The following GLRA2 variants were observed in gnomAD, a reference collection of about 807,000 sequenced individuals.
GLRA2 encodes the protein glycine receptor alpha 2.
In GLRA2, 11 loss-of-function variants were observed where a neutral mutation model predicts 31.6. That is an observed-to-expected ratio of 0.35 (90% confidence interval 0.22 to 0.58). The LOEUF is 0.58. GLRA2 is among the 20% of genes least tolerant of loss of function. The pLI is 0.84. For missense variants in GLRA2, 212 were observed against 351.8 expected (o/e 0.60, Z 3.18); for synonymous variants, 132 against 134.0 (o/e 0.99, Z 0.10).
At chrX:14,668,378 C>A (rs977890743) in intron 7 of GLRA2, among the ~76,000 whole-genome samples, 1 of 112,135 alleles carries the variant, frequency 8.9e-6, no homozygotes, top group African/African-American at 3.2e-5. Flanking sequence ...AGCAGATTAT[C>A]CAAGCACATG....
At chrX:14,575,887 C>T (rs1006094147) in intron 3 of GLRA2, among the ~76,000 whole-genome samples, 1 of 111,328 alleles carries the variant, frequency 9.0e-6, no homozygotes, top group African/African-American at 3.3e-5. Context: ...GAGATATTTT[C>T]TTGGTCCCCA....
At chrX:14,455,365 A>G in the GLRA2 span, among the ~76,000 whole-genome samples, 1 of 111,805 alleles carries the variant, frequency 8.9e-6, no homozygotes, top group African/African-American at 3.2e-5. Context: ...GGAAAATCAC[A>G]TAGGACAATG....
chrX:14,575,270 G>A (rs1306641061), intron 3 of GLRA2, among the ~76,000 whole-genome samples: 4 of 106,982 alleles, frequency 3.7e-5, no homozygotes, highest in African/African-American at 1.4e-4. Flanking sequence ...GCACGATCTC[G>A]GCTTACTGCA....
intron 2 of GLRA2, among the ~76,000 whole-genome samples, chrX:14,536,731 C>A: frequency 9.0e-6 from 1 of 110,942 alleles, no homozygotes; most frequent in East Asian, 2.8e-4. Context: ...AATCAAGAGG[C>A]CTGAGGTAAA....
intron 8 of GLRA2, among the ~76,000 whole-genome samples, chrX:14,702,829 G>A (rs2091564080): frequency 9.0e-6 from 1 of 111,459 alleles, no homozygotes; most frequent in Admixed American, 9.5e-5. Context: ...GGACAGGGTT[G>A]CGTGAAAAGG....
chrX:14,583,327 A>T (rs1479645393), intron 4 of GLRA2, among the ~76,000 whole-genome samples: 2 of 112,775 alleles, frequency 1.8e-5, no homozygotes, highest in African/African-American at 6.4e-5. Flanking sequence ...TACCCAAAGG[A>T]ATATAAATCA....
At chrX:14,567,511 C>T (rs1252204187) in intron 2 of GLRA2, among the ~76,000 whole-genome samples, 1 of 111,758 alleles carries the variant, frequency 8.9e-6, no homozygotes, top group East Asian at 2.8e-4. Context: ...AACTATAGGC[C>T]ATCTACAACA....
intron 7 of GLRA2, among the ~76,000 whole-genome samples, chrX:14,658,551 C>T (rs2090961827): frequency 9.0e-6 from 1 of 111,555 alleles, no homozygotes; most frequent in Non-Finnish European, 1.9e-5. Flanking sequence ...AAACTCATTC[C>T]AGGTTTGATT....
upstream of GLRA2, among the ~76,000 whole-genome samples, chrX:14,527,630 G>A (rs1157487491): frequency 9.2e-6 from 1 of 108,834 alleles, no homozygotes; most frequent in Non-Finnish European, 1.9e-5. Flanking sequence ...AAAAAAAAAA[G>A]AGAAATGATT....
chrX:14,608,854 G>A (rs772829613), intron 6 of GLRA2, 137 bp from the exon 7 acceptor site: 73 of 440,008 alleles, frequency 1.7e-4, no homozygotes, highest in Middle Eastern at 1.3e-3. Flanking sequence ...AATTGGTTAC[G>A]TAGGGTGAAC....
At chrX:14,638,370 C>T (rs1407320972) in intron 7 of GLRA2, among the ~76,000 whole-genome samples, 2 of 111,514 alleles carry the variant, frequency 1.8e-5, no homozygotes, top group Admixed American at 1.9e-4. Flanking sequence ...TAACAGCTTT[C>T]ATGATCTTCT....
At chrX:14,493,635 A>ATG in the GLRA2 span, among the ~76,000 whole-genome samples, 2 of 102,128 alleles carry the variant, frequency 2.0e-5, no homozygotes, top group African/African-American at 7.1e-5. Context: ...ATATATACAT[A>ATG]TATACATATA....
chrX:14,678,748 C>T (rs1473251393), intron 7 of GLRA2, among the ~76,000 whole-genome samples: 1 of 111,575 alleles, frequency 9.0e-6, no homozygotes, highest in East Asian at 2.8e-4. Context: ...ACCTTCATAT[C>T]CTCAATGAAT....
At chrX:14,610,530 C>A (rs1905011063) in intron 7 of GLRA2, among the ~76,000 whole-genome samples, 1 of 111,855 alleles carries the variant, frequency 8.9e-6, no homozygotes, top group African/African-American at 3.2e-5. Context: ...GCTTTTTTAA[C>A]CTGTATAATC....
intron 4 of GLRA2, among the ~76,000 whole-genome samples, chrX:14,584,466 C>T (rs187283106): frequency 8.9e-6 from 1 of 111,851 alleles, no homozygotes; most frequent in East Asian, 2.8e-4. Context: ...GACTCACCAT[C>T]ATCACCTCAT....
the GLRA2 span, among the ~76,000 whole-genome samples, chrX:14,476,581 T>C: frequency 8.9e-6 from 1 of 111,770 alleles, no homozygotes; most frequent in Non-Finnish European, 1.9e-5. Context: ...TCTGATACTA[T>C]TAATCATTTC....
At chrX:14,693,403 C>T (rs925628625) in intron 8 of GLRA2, among the ~76,000 whole-genome samples, 2 of 111,400 alleles carry the variant, frequency 1.8e-5, no homozygotes, top group African/African-American at 3.3e-5. Flanking sequence ...TCAAAATGAT[C>T]ACTTCAATAG....
the GLRA2 span, among the ~76,000 whole-genome samples, chrX:14,458,890 G>T: frequency 9.0e-6 from 1 of 111,691 alleles, no homozygotes; most frequent in African/African-American, 3.3e-5. Context: ...GATCCCATTT[G>T]TCAATTTTGG....
At chrX:14,599,931 A>G (rs958082477) in intron 4 of GLRA2, among the ~76,000 whole-genome samples, 1 of 111,584 alleles carries the variant, frequency 9.0e-6, no homozygotes, top group African/African-American at 3.3e-5. Context: ...TCTTTACAAT[A>G]TCTTTCTATT....
Sources: gnomAD v4.1 joint callset for allele counts (sites outside exome capture counted in the v4.1 genomes callset) on GRCh38, gnomAD v4.1.1 for gene constraint, MANE v1.5 for transcripts, NCBI Gene and HGNC (gene_info 2026-07-23, HGNC 2026-07-21) for gene names.